PRTFDC1: variants seen among roughly 807,000 people sequenced by gnomAD.
The protein encoded by PRTFDC1 is phosphoribosyltransferase domain-containing protein 1.
Under a neutral mutation model 34.6 loss-of-function variants are expected in PRTFDC1, and 38 were observed. That is an observed-to-expected ratio of 1.10 (90% CI 0.85 to 1.44). The LOEUF is 1.44. Among genes scored for constraint, PRTFDC1 ranks in the 40% most tolerant of loss-of-function variants. PRTFDC1 has a pLI of 0.00. For synonymous variants in PRTFDC1, 93 were observed against 98.1 expected, an observed-to-expected ratio of 0.95 and a Z score of 0.31; for missense variants, 270 against 283.0, an observed-to-expected ratio of 0.95 and a Z score of 0.33.
chr10:24,907,929 A>C (rs1848562057), intron 3 of PRTFDC1, among the ~76,000 whole-genome samples: 1 of 152,214 alleles, frequency 6.6e-6, no homozygotes. Context: ...AGACTATTTC[A>C]TTCTAGGGCT....
At chr10:24,901,116 T>C (rs1048179973) in intron 3 of PRTFDC1, among the ~76,000 whole-genome samples, 1 of 152,204 alleles carries the variant, frequency 6.6e-6, no homozygotes, top group African/African-American at 2.4e-5. Flanking sequence ...TAACAGAAAA[T>C]TGTGTCTTGG....
chr10:24,913,820 C>T (rs1848659590), intron 3 of PRTFDC1, among the ~76,000 whole-genome samples: 1 of 152,150 alleles, frequency 6.6e-6, no homozygotes, highest in South Asian at 2.1e-4. Flanking sequence ...GTTGTAGATT[C>T]AAGATGCACA....
intron 3 of PRTFDC1, among the ~76,000 whole-genome samples, chr10:24,925,127 T>C (rs1329900001): frequency 6.6e-6 from 1 of 152,182 alleles, no homozygotes; most frequent in Non-Finnish European, 1.5e-5. Context: ...CACTATGGAA[T>C]ACTATGCAGC....
rs1393111444 is a variant in PRTFDC1 at position 24,942,449 on chromosome 10, T to C, written c.49-13A>G. The C allele has an allele frequency of 8.2e-6, 13 of 1,590,330 alleles. No homozygotes were observed. Among genetic ancestry groups the C allele is most frequent in the South Asian group, 1.1e-5 (1 of 90,658 alleles). On this transcript the variant is annotated splice_polypyrimidine_tract_variant and intron_variant, in intron 1 of 8. Coordinates refer to ENST00000320152, the MANE Select transcript of PRTFDC1 (RefSeq NM_020200.7). Reference sequence around the variant, plus strand: ...AATCATCCATAATCTGCAAATCAAATTATTTTGGTTATGGTATTTTTTCAT... The same window carrying C: ...AATCATCCATAATCTGCAAATCAAACTATTTTGGTTATGGTATTTTTTCAT...
At chr10:24,894,344 A>T (rs1169466260) in intron 3 of PRTFDC1, among the ~76,000 whole-genome samples, 1 of 151,784 alleles carries the variant, frequency 6.6e-6, no homozygotes. Flanking sequence ...AAAAAAAAAA[A>T]AAAAGAGAGA....
At chr10:24,951,643 C>T in intron 1 of PRTFDC1, 1 of 980,040 alleles carries the variant, frequency 1.0e-6, no homozygotes, top group Non-Finnish European at 1.2e-6. Flanking sequence ...CACCCACCAT[C>T]CTCACCACCA....
At chr10:24,880,823 C>CTTTCTTTCT (rs1565264395) in intron 3 of PRTFDC1, among the ~76,000 whole-genome samples, 3 of 113,448 alleles carry the variant, frequency 2.6e-5, no homozygotes, top group East Asian at 2.2e-4. Flanking sequence ...CTCTTTCTTT[C>CTTTCTTTCT]TTTCTTTCTT....
At chr10:24,867,438 T>C (rs2132505755) in intron 4 of PRTFDC1, among the ~76,000 whole-genome samples, 1 of 152,328 alleles carries the variant, frequency 6.6e-6, no homozygotes, top group Admixed American at 6.5e-5. Flanking sequence ...CACAGCTCCA[T>C]GATGTCATCT....
At chr10:24,917,605 GT>G in intron 3 of PRTFDC1, among the ~76,000 whole-genome samples, 1 of 152,142 alleles carries the variant, frequency 6.6e-6, no homozygotes, top group Non-Finnish European at 1.5e-5. Context: ...TTCATCTGGT[GT>G]TTCATGCTAG....
chr10:24,853,414 C>T (rs528298074), intron 7 of PRTFDC1, among the ~76,000 whole-genome samples: 1 of 152,026 alleles, frequency 6.6e-6, no homozygotes, highest in East Asian at 1.9e-4. Flanking sequence ...GAGTCCAAGA[C>T]CAGCCTGGCC....
chr10:24,883,642 G>A (rs1848116790), intron 3 of PRTFDC1, among the ~76,000 whole-genome samples: 1 of 152,044 alleles, frequency 6.6e-6, no homozygotes, highest in Non-Finnish European at 1.5e-5. Flanking sequence ...TTGAACCTTG[G>A]TATGGACTTC....
At chr10:24,906,244 A>G (rs185712099) in intron 3 of PRTFDC1, among the ~76,000 whole-genome samples, 2 of 152,206 alleles carry the variant, frequency 1.3e-5, no homozygotes, top group East Asian at 3.9e-4. Context: ...GGCTGTGTAG[A>G]GAGCCCCACT....
intron 4 of PRTFDC1, among the ~76,000 whole-genome samples, chr10:24,859,345 C>T (rs183078915): frequency 2.8e-4 from 42 of 152,268 alleles, no homozygotes; most frequent in Admixed American, 2.4e-3. Context: ...CTGTAACCTC[C>T]GCTTCCCGGG....
Position 24,849,370 on chromosome 10 carries a change from G to T in PRTFDC1, c.*474C>A, listed in dbSNP as rs1192564382. 6.5e-6 allele frequency: 1 copy of T among 152,696 alleles called. No homozygotes were observed. The highest frequency in any genetic ancestry group is 1.9e-4 in the East Asian group (1 of 5,196). 9.5% of individuals were successfully genotyped at this position (152,696 alleles called of 1,614,324 possible). A position where few individuals can be genotyped will look rare whatever the true frequency, so the allele number is the denominator to read the frequency against. The stretch of plus-strand genomic sequence containing the variant: ...TCCTTTCCCTCCTTTTAAAATATGG[G>T]AATCTATTAATAGCTGCATTCCCGG... On this transcript the variant is annotated 3_prime_UTR_variant, in exon 9 of 9. Transcript: ENST00000320152.
chr10:24,888,075 G>A (rs1848200037), intron 3 of PRTFDC1, among the ~76,000 whole-genome samples: 1 of 152,172 alleles, frequency 6.6e-6, no homozygotes, highest in Non-Finnish European at 1.5e-5. Context: ...GTCTTGCTGT[G>A]TCATCCAGGT....
At chr10:24,951,651 C>A in intron 1 of PRTFDC1, 3 of 974,010 alleles carry the variant, frequency 3.1e-6, no homozygotes, top group Non-Finnish European at 3.7e-6. Flanking sequence ...ATCCTCACCA[C>A]CATTGAGTTT....
intron 3 of PRTFDC1, among the ~76,000 whole-genome samples, chr10:24,928,365 T>G (rs939187742): frequency 3.9e-5 from 6 of 152,100 alleles, no homozygotes; most frequent in Admixed American, 3.9e-4. Flanking sequence ...AGAATTGGAG[T>G]CTTTTTTCTT....
intron 8 of PRTFDC1, among the ~76,000 whole-genome samples, chr10:24,850,762 T>C (rs532607263): frequency 6.6e-6 from 1 of 152,294 alleles, no homozygotes; most frequent in African/African-American, 2.4e-5. Flanking sequence ...CTTTCACCCA[T>C]GGTGCTATGG....
intron 3 of PRTFDC1, among the ~76,000 whole-genome samples, chr10:24,912,750 CTGTAGCTTAAAA>C (rs1421794719): frequency 2.0e-5 from 3 of 152,262 alleles, no homozygotes; most frequent in African/African-American, 7.2e-5. Flanking sequence ...ATCCTCGTGG[CTGTAGCTTAAAA>C]TGTATCCAGA....
Sources: allele counts gnomAD v4.1 joint callset (sites outside exome capture counted in the v4.1 genomes callset), GRCh38; gene constraint gnomAD v4.1.1; transcripts MANE v1.5; gene names NCBI Gene and HGNC (gene_info 2026-07-23, HGNC 2026-07-21).